Variants in CDHR3 observed in about 807,000 individuals in gnomAD.
CDHR3 encodes the protein cadherin related family member 3.
CDHR3 carries 79 observed loss-of-function variants against 86.6 expected under a neutral mutation model. The observed-to-expected ratio is 0.91, with a 90% CI of 0.76 to 1.10. The LOEUF (loss-of-function observed/expected upper bound fraction) is 1.10. Ranked by LOEUF, CDHR3 falls within the 50% of genes least tolerant of loss-of-function variation. The probability of loss-of-function intolerance (pLI) is 0.00; values close to 1 mark genes in which losing one functional copy is unlikely to be tolerated. For synonymous variants in CDHR3, 421 were observed against 402.4 expected, an observed-to-expected ratio of 1.05 and a Z score of -0.55; for missense variants, 1,081 against 1,077.6, an observed-to-expected ratio of 1.00 and a Z score of -0.04.
At chr7:106,002,985 T>C (rs1045684606) in intron 7 of CDHR3, among the ~76,000 whole-genome samples, 2 of 151,664 alleles carry the variant, frequency 1.3e-5, no homozygotes, top group African/African-American at 4.8e-5. Flanking sequence ...AGTTTAAAAA[T>C]TAGCTGAGTG....
chr7:105,981,171 T>C, intron 3 of CDHR3, 38 bp downstream of exon 3: 1 of 1,596,748 alleles, frequency 6.3e-7, no homozygotes, highest in Non-Finnish European at 8.6e-7. Flanking sequence ...GCCCAGACAG[T>C]GGCATCAGGG....
intron 4 of CDHR3, among the ~76,000 whole-genome samples, chr7:105,992,053 CCTT>C (rs1831434930): frequency 6.6e-6 from 1 of 152,166 alleles, no homozygotes; most frequent in South Asian, 2.1e-4. Context: ...GTCTAAGAGT[CCTT>C]CTTCTCAGTT....
intron 1 of CDHR3, among the ~76,000 whole-genome samples, chr7:105,971,097 C>T (rs948363760): frequency 1.0e-4 from 15 of 150,320 alleles, no homozygotes; most frequent in African/African-American, 2.5e-4. Flanking sequence ...GCCAAGATCG[C>T]GCCACTGCAT....
chr7:105,989,586 C>T (rs1387063055), intron 4 of CDHR3, among the ~76,000 whole-genome samples: 1 of 152,082 alleles, frequency 6.6e-6, no homozygotes, highest in Non-Finnish European at 1.5e-5. Flanking sequence ...CTTTATCTTG[C>T]TCATAGCTCT....
rs1390569894 is a variant in CDHR3 at position 106,036,041 on chromosome 7, A to T, written c.*3344A>T. On this transcript the variant is annotated 3_prime_UTR_variant, in exon 19 of 19. Coordinates refer to ENST00000317716, the MANE Select transcript of CDHR3 (RefSeq NM_152750.5). ...TTTACTTTTCTCATTCTGATTCATT[A>T]TAAAACTGGGGTAAATACGTTCAGG... 1 of 152,222 alleles carries T rather than the reference A, an allele frequency of 6.6e-6. No homozygotes were observed. Among genetic ancestry groups the T allele is most frequent in the African/African-American group, 2.4e-5 (1 of 41,448 alleles). 9.4% of individuals were successfully genotyped at this position (152,222 alleles called of 1,614,324 possible).
chr7:105,964,420 A>T (rs554323093), intron 1 of CDHR3, among the ~76,000 whole-genome samples: 6 of 152,016 alleles, frequency 3.9e-5, no homozygotes, highest in Admixed American at 3.9e-4. Context: ...ATGAACATTT[A>T]TATTCTTCTT....
At chr7:105,969,538 C>A (rs1417309231) in intron 1 of CDHR3, among the ~76,000 whole-genome samples, 1 of 152,126 alleles carries the variant, frequency 6.6e-6, no homozygotes, top group Non-Finnish European at 1.5e-5. Flanking sequence ...CGAGGACCTT[C>A]TGTGGGTTCT....
intron 9 of CDHR3, among the ~76,000 whole-genome samples, chr7:106,013,509 G>A (rs1835123054): frequency 6.6e-6 from 1 of 152,138 alleles, no homozygotes; most frequent in Admixed American, 6.5e-5. Flanking sequence ...CAACTTCAAG[G>A]GACAAAAGCT....
chr7:106,000,103 G>C (rs1051548826), intron 6 of CDHR3, among the ~76,000 whole-genome samples: 1 of 152,218 alleles, frequency 6.6e-6, no homozygotes, highest in African/African-American at 2.4e-5. Flanking sequence ...ATTCCACTTT[G>C]TCTATTCCTA....
At chr7:106,021,670 C>T (rs937113215) in intron 13 of CDHR3, among the ~76,000 whole-genome samples, 5 of 152,138 alleles carry the variant, frequency 3.3e-5, no homozygotes, top group African/African-American at 7.2e-5. Flanking sequence ...CTGCAATTCC[C>T]GCAAAGCCAG....
At chr7:105,975,908 T>G (rs1367631880) in intron 2 of CDHR3, among the ~76,000 whole-genome samples, 1 of 152,158 alleles carries the variant, frequency 6.6e-6, no homozygotes, top group Non-Finnish European at 1.5e-5. Flanking sequence ...AAACTCAGCT[T>G]ATCATTAGTC....
intron 12 of CDHR3, among the ~76,000 whole-genome samples, chr7:106,018,427 G>A (rs947837158): frequency 2.6e-5 from 4 of 152,074 alleles, no homozygotes; most frequent in Non-Finnish European, 5.9e-5. Context: ...AGTAGAGACG[G>A]GTTTCTCCAT....
chr7:106,020,856 T>A (rs1414091343), intron 13 of CDHR3, among the ~76,000 whole-genome samples: 1 of 152,090 alleles, frequency 6.6e-6, no homozygotes, highest in African/African-American at 2.4e-5. Flanking sequence ...TTCCTGGCAC[T>A]CCTCTCAGTT....
rs572434217 is a variant in CDHR3, at chr7:106,023,289, A to G, written c.2076+841A>G. On this transcript the variant is annotated intron_variant, in intron 14 of 18. Transcript: ENST00000317716. The stretch of plus-strand genomic sequence containing the variant: ...GAGCTGTGTTTTCAATCAGCCTTTC[A>G]GGGAATTCTAATGTGCATTAAAGTC... 4.8e-4 allele frequency among the ~76,000 whole-genome samples: 73 copies of G among 152,324 alleles called. 1 individual carries two copies. The highest frequency in any genetic ancestry group is 4.1e-3 in the Admixed American group (62 of 15,298).
At chr7:105,993,677 C>CAA (rs55787798) in intron 4 of CDHR3, among the ~76,000 whole-genome samples, 30 of 91,752 alleles carry the variant, frequency 3.3e-4, no homozygotes, top group African/African-American at 1.0e-3. Flanking sequence ...CTCTGTCTCA[C>CAA]AAAAAAAAAA....
Position 106,034,966 on chromosome 7 carries a change from C to T in CDHR3, c.*2269C>T, listed in dbSNP as rs1489166825. Reference sequence around the variant, plus strand: ...TGTTAGCAGGCACCTGTAATCCCAGCTACTCAGGAGGCTGAGGCAAGAGAA... The same window carrying T: ...TGTTAGCAGGCACCTGTAATCCCAGTTACTCAGGAGGCTGAGGCAAGAGAA... On this transcript the variant is annotated 3_prime_UTR_variant, in exon 19 of 19. Transcript: ENST00000317716. Among the ~76,000 whole-genome samples, 1 of 151,944 alleles carries T rather than the reference C, an allele frequency of 6.6e-6. No homozygotes were observed. Among genetic ancestry groups the T allele is most frequent in the Non-Finnish European group, 1.5e-5 (1 of 68,028 alleles).
In CDHR3 at chr7:106,033,080, T is replaced by C. The variant is rs1219918130; in HGVS notation, c.*383T>C. The C allele has an allele frequency of 5.5e-6, 1 of 180,476 alleles. No individual in the cohort carries two copies. Among genetic ancestry groups the C allele is most frequent in the Admixed American group, 5.5e-5 (1 of 18,328 alleles). The allele number at this position is 180,476 out of a possible 1,614,324, so 11.2% of individuals were successfully genotyped here. On this transcript the variant is annotated 3_prime_UTR_variant, in exon 19 of 19. Transcript: ENST00000317716. ...TAGTGAAGACTATCCTTACATCTGG[T>C]TTCCACCTTATTTTCCTGCCCTCGT...
Position 106,030,768 on chromosome 7 carries a change from A to T in CDHR3, c.2305-24A>T, listed in dbSNP as rs1388043252. 6.2e-7 allele frequency: 1 copy of T among 1,605,226 alleles called. No homozygotes were observed. Among genetic ancestry groups the T allele is most frequent in the Non-Finnish European group, 8.5e-7 (1 of 1,175,474 alleles). ...GGGAAGGAATGTAGGATTGTGTTTG[A>T]TGCTGTCTCTGTCTTCTCCTTAGGA... On this transcript the variant is annotated intron_variant, in intron 17 of 18. Transcript: ENST00000317716. This position sits in a 1 kb window ranked among gnomAD's most constrained non-coding sequence, Gnocchi z 4.8.
chr7:106,028,924 C>G (rs1028076558), intron 17 of CDHR3, among the ~76,000 whole-genome samples: 1 of 89,994 alleles, frequency 1.1e-5, no homozygotes, highest in African/African-American at 4.8e-5. Context: ...AATTTTCTTT[C>G]TTTCTTTCTT....
Sources: gnomAD v4.1 joint callset for allele counts (sites outside exome capture counted in the v4.1 genomes callset) on GRCh38, gnomAD v4.1.1 for gene constraint, Gnocchi (gnomAD v3.1) non-coding constraint, MANE v1.5 for transcripts, NCBI Gene and HGNC (gene_info 2026-07-23, HGNC 2026-07-21) for gene names.